Variants in MYO16 observed in about 807,000 individuals in gnomAD.
MYO16 encodes the protein unconventional myosin-XVI.
MYO16 carries 94 observed loss-of-function variants against 205.3 expected under a neutral mutation model. The observed-to-expected ratio is 0.46, with a 90% CI of 0.39 to 0.54. The LOEUF is 0.54. MYO16 is among the 20% of genes least tolerant of loss of function. MYO16 has a pLI of 0.00. For synonymous variants in MYO16, 988 were observed against 954.0 expected (o/e 1.04, Z -0.66); for missense variants, 2,315 against 2,387.5 (o/e 0.97, Z 0.63).
At chr13:108,627,936 G>A (rs1368040503), upstream of MYO16, among the ~76,000 whole-genome samples, 1 of 151,934 alleles carries the variant, frequency 6.6e-6, no homozygotes, top group African/African-American at 2.4e-5. Context: ...AAGAGAAGGG[G>A]GTAGGGACAT....
At chr13:109,154,497 C>T (rs972875586) in intron 32 of MYO16, among the ~76,000 whole-genome samples, 8 of 152,180 alleles carry the variant, frequency 5.3e-5, no homozygotes, top group African/African-American at 1.4e-4. Context: ...GAAAAGACCT[C>T]ACATCCACCA....
At chr13:108,530,671 A>T in the MYO16 span, among the ~76,000 whole-genome samples, 1 of 152,192 alleles carries the variant, frequency 6.6e-6, no homozygotes, top group Non-Finnish European at 1.5e-5. Context: ...TATGGTAAAA[A>T]CTTAAGTTTT....
intron 28 of MYO16, 140 bp from the exon 29 acceptor site, chr13:109,120,230 A>C: frequency 3.3e-6 from 2 of 611,716 alleles, no homozygotes; most frequent in East Asian, 2.8e-5. Context: ...ATAGTGTTTA[A>C]GAATCAGAGA....
chr13:109,117,392 ATATATGTATATATATATGTGTATATATG>A, intron 28 of MYO16, among the ~76,000 whole-genome samples: 1 of 146,932 alleles, frequency 6.8e-6, no homozygotes, highest in African/African-American at 2.5e-5. Context: ...ATGCGTGTGT[ATATATGTATATATATATGTGTATATATG>A]TATATGTGTA....
chr13:108,853,620 A>G (rs114198948), intron 10 of MYO16, among the ~76,000 whole-genome samples: 3,971 of 141,414 alleles, frequency 0.028, 191 homozygotes, highest in African/African-American at 0.1. Context: ...TTTTTGAGAC[A>G]GGGCCTAGCT....
chr13:108,538,663 G>A, the MYO16 span, among the ~76,000 whole-genome samples: 208 of 152,158 alleles, frequency 1.4e-3, no homozygotes, highest in African/African-American at 4.4e-3. Flanking sequence ...GATCCCTACT[G>A]ATACAGTATC....
At chr13:109,189,581 C>T (rs908940093) in intron 34 of MYO16, among the ~76,000 whole-genome samples, 1 of 152,226 alleles carries the variant, frequency 6.6e-6, no homozygotes, top group East Asian at 1.9e-4. Context: ...CCCTCTATCA[C>T]CCATCTTTAC....
chr13:108,541,532 G>A, the MYO16 span, among the ~76,000 whole-genome samples: 1 of 151,680 alleles, frequency 6.6e-6, no homozygotes, highest in Non-Finnish European at 1.5e-5. Flanking sequence ...TTTAGTTTTT[G>A]TGCTTTAAAG....
chr13:108,806,926 G>A, intron 7 of MYO16, 122 bp downstream of exon 7: 4 of 720,162 alleles, frequency 5.6e-6, no homozygotes, highest in Non-Finnish European at 7.8e-6. Context: ...ACTTTTAATA[G>A]TGTCTTCTTA....
chr13:108,969,263 A>T (rs1883917022), intron 20 of MYO16, among the ~76,000 whole-genome samples: 1 of 152,204 alleles, frequency 6.6e-6, no homozygotes, highest in Admixed American at 6.5e-5. Context: ...ACATCAAATT[A>T]TTTCTAAAGA....
At chr13:108,664,679 A>C (rs1196563387) in intron 1 of MYO16, among the ~76,000 whole-genome samples, 1 of 152,222 alleles carries the variant, frequency 6.6e-6, no homozygotes, top group Admixed American at 6.5e-5. Context: ...TAAATAGCTT[A>C]AGAATATATA....
At chr13:108,834,811 T>A (rs1178159052) in intron 9 of MYO16, among the ~76,000 whole-genome samples, 1 of 151,980 alleles carries the variant, frequency 6.6e-6, no homozygotes, top group Non-Finnish European at 1.5e-5. Context: ...TTTTAACAAA[T>A]AGCATTTTAC....
the MYO16 span, among the ~76,000 whole-genome samples, chr13:108,529,616 G>A: frequency 6.6e-6 from 1 of 152,276 alleles, no homozygotes; most frequent in South Asian, 2.1e-4. Context: ...GTTATCTTCA[G>A]GATCAATTCA....
At chr13:109,139,584 C>G (rs949407139) in intron 31 of MYO16, among the ~76,000 whole-genome samples, 2 of 152,166 alleles carry the variant, frequency 1.3e-5, no homozygotes, top group Non-Finnish European at 2.9e-5. Flanking sequence ...TTTATTCGGC[C>G]GGGAGCTTCT....
chr13:108,911,074 G>C, intron 16 of MYO16, among the ~76,000 whole-genome samples: 1 of 82,848 alleles, frequency 1.2e-5, no homozygotes, highest in Non-Finnish European at 2.9e-5. Context: ...CACAGAGAGA[G>C]AGAAGGGTTG....
intron 32 of MYO16, among the ~76,000 whole-genome samples, chr13:109,161,141 G>T (rs774161386): frequency 9.2e-5 from 14 of 152,326 alleles, no homozygotes; most frequent in Non-Finnish European, 1.6e-4. Flanking sequence ...ACAAGCAGAG[G>T]AGAACCCCAA....
Position 108,599,616 on chromosome 13 carries a change from G to T in MYO16, c.-39+3377G>T, listed in dbSNP as rs1010010058. 2.8e-4 allele frequency among the ~76,000 whole-genome samples: 43 copies of T among 151,968 alleles called. 1 individual carries two copies. Among genetic ancestry groups the T allele is most frequent in the Admixed American group, 2.8e-3 (43 of 15,228 alleles). The stretch of plus-strand genomic sequence containing the variant: ...GCATCTAGATCATAGCCCTCCATCC[G>T]TATGTTTGGAATCAGTGAAGAAGTA... On this transcript the variant is annotated intron_variant, in intron 1 of 24. Transcript: ENST00000251041.
chr13:109,042,971 G>A (rs1216239832), intron 23 of MYO16, among the ~76,000 whole-genome samples: 1 of 152,232 alleles, frequency 6.6e-6, no homozygotes, highest in Non-Finnish European at 1.5e-5. Context: ...GTGAATTGAA[G>A]TCTCCAAATG....
At chr13:108,644,443 A>C (rs1880661431) in intron 1 of MYO16, among the ~76,000 whole-genome samples, 1 of 152,156 alleles carries the variant, frequency 6.6e-6, no homozygotes, top group South Asian at 2.1e-4. Context: ...GCAACCCATG[A>C]GCTGAAATAA....
Sources: allele counts gnomAD v4.1 joint callset (sites outside exome capture counted in the v4.1 genomes callset), GRCh38; gene constraint gnomAD v4.1.1; transcripts MANE v1.5; gene names NCBI Gene and HGNC (gene_info 2026-07-23, HGNC 2026-07-21).